The following PIK3C2G variants were observed in gnomAD, a reference collection of about 807,000 sequenced individuals.
The protein encoded by PIK3C2G is phosphatidylinositol-4-phosphate 3-kinase catalytic subunit type 2 gamma.
A neutral mutation model predicts 181.1 loss-of-function variants in PIK3C2G; 168 were observed. That is an observed-to-expected ratio of 0.93 (90% CI 0.82 to 1.05). PIK3C2G has a LOEUF of 1.05. Ranked by LOEUF, PIK3C2G falls within the 50% of genes least tolerant of loss-of-function variation. PIK3C2G has a pLI of 0.00. For missense variants in PIK3C2G, 1,869 were observed against 1,732.8 expected, an observed-to-expected ratio of 1.08 and a Z score of -1.40; for synonymous variants, 573 against 592.2, an observed-to-expected ratio of 0.97 and a Z score of 0.47.
intron 21 of PIK3C2G, 91 bp from the exon 22 acceptor site, chr12:18,497,528 C>G (rs1383310344): frequency 2.2e-6 from 2 of 924,420 alleles, no homozygotes; most frequent in East Asian, 2.7e-5. Context: ...AGAAATGTAT[C>G]CAAGGAGAAA....
intron 31 of PIK3C2G, among the ~76,000 whole-genome samples, chr12:18,637,496 G>A (rs990846489): frequency 6.6e-6 from 1 of 151,228 alleles, no homozygotes; most frequent in East Asian, 1.9e-4. Context: ...TACATCATGC[G>A]TCTGCAGGAA....
intron 16 of PIK3C2G, among the ~76,000 whole-genome samples, chr12:18,408,915 T>C (rs1944697002): frequency 6.6e-6 from 1 of 152,136 alleles, no homozygotes; most frequent in African/African-American, 2.4e-5. Flanking sequence ...CTGGAGAGGA[T>C]GTGGGGAAAT....
intron 1 of PIK3C2G, among the ~76,000 whole-genome samples, chr12:18,271,991 A>AT (rs1050751249): frequency 4.6e-4 from 70 of 152,266 alleles, no homozygotes; most frequent in African/African-American, 1.6e-3. Flanking sequence ...ATTTCCTAAC[A>AT]TCCAGAAAGC....
chr12:18,272,004 T>G (rs1164270325), intron 1 of PIK3C2G, among the ~76,000 whole-genome samples: 3 of 152,186 alleles, frequency 2.0e-5, no homozygotes, highest in Non-Finnish European at 2.9e-5. Context: ...CAGAAAGCCC[T>G]GCTTACTCTC....
chr12:18,345,695 GT>G (rs1470015528), intron 10 of PIK3C2G, among the ~76,000 whole-genome samples: 1 of 152,050 alleles, frequency 6.6e-6, no homozygotes, highest in African/African-American at 2.4e-5. Flanking sequence ...AACTTATAAA[GT>G]GTTTATTTCT....
rs749353841 is a variant in PIK3C2G, at chr12:18,314,030, A to G, written c.1103A>G (p.Lys368Arg). The G allele has an allele frequency of 1.3e-6, 2 of 1,584,910 alleles. No individual in the cohort carries two copies. Among genetic ancestry groups the G allele is most frequent in the South Asian group, 1.2e-5 (1 of 86,444 alleles). The change falls in exon 6 of 33, where the codon AAA (lysine) becomes AGA (arginine). Residue 368 changes from lysine to arginine, a missense_variant. Transcript: ENST00000538779. ...TCTGTTATTCAGCTCCACCTGCAGA[A>G]AAGTAGGGAAGCTCCAGGAAAGCTA... is the stretch of plus-strand genomic sequence containing the variant. Reference protein sequence around the residue: ...DKSVIQLHLQKSREAPGKLSR... With the variant: ...DKSVIQLHLQRSREAPGKLSR...
At chr12:18,357,728 T>C (rs1268911095) in intron 11 of PIK3C2G, among the ~76,000 whole-genome samples, 1 of 152,224 alleles carries the variant, frequency 6.6e-6, no homozygotes, top group Non-Finnish European at 1.5e-5. Flanking sequence ...TGCATTGTTG[T>C]ATGGGAGATC....
intron 26 of PIK3C2G, among the ~76,000 whole-genome samples, chr12:18,562,278 C>G (rs981881375): frequency 1.3e-5 from 2 of 152,102 alleles, no homozygotes; most frequent in Non-Finnish European, 2.9e-5. Flanking sequence ...ACTACAGGCA[C>G]CCGCCACCAC....
At chr12:18,708,766 A>G in the PIK3C2G span, among the ~76,000 whole-genome samples, 2 of 152,106 alleles carry the variant, frequency 1.3e-5, no homozygotes. Context: ...GTGACTAATA[A>G]TGTTGAGTAC....
At chr12:18,516,261 G>GT (rs34294540) in intron 24 of PIK3C2G, among the ~76,000 whole-genome samples, 67,680 of 138,216 alleles carry the variant, frequency 0.49, 16,887 homozygotes, top group East Asian at 0.89. Context: ...TTGACTGATG[G>GT]TTTTTTTTTT....
the PIK3C2G span, among the ~76,000 whole-genome samples, chr12:18,704,081 G>A: frequency 4.9e-4 from 75 of 152,290 alleles, no homozygotes; most frequent in East Asian, 0.014. Context: ...GTGAGGGAAG[G>A]CTAAAGAATG....
chr12:18,684,020 C>A, the PIK3C2G span: 15 of 1,280,744 alleles, frequency 1.2e-5, 1 homozygote, highest in South Asian at 2.0e-4. Flanking sequence ...ATAAAATTTC[C>A]TTTACATCCT....
At chr12:18,490,384 G>T (rs1261827836) in intron 19 of PIK3C2G, among the ~76,000 whole-genome samples, 2 of 152,060 alleles carry the variant, frequency 1.3e-5, no homozygotes, top group African/African-American at 4.8e-5. Context: ...GGCTCAAAAA[G>T]TTTCTTTTTT....
At chr12:18,486,354 C>T (rs748181050) in intron 18 of PIK3C2G, among the ~76,000 whole-genome samples, 18 of 152,152 alleles carry the variant, frequency 1.2e-4, no homozygotes, top group Middle Eastern at 3.4e-3. Context: ...CTCCCCTGCT[C>T]GGTTTTATTT....
Position 18,491,435 on chromosome 12 carries a change from T to C in PIK3C2G, c.2686-16T>C, listed in dbSNP as rs1347559245. ...TTTACATTTTCTTAAATCCTTTTTC[T>C]AATGATTTTTCACAGGAGGTACTGA... On this transcript the variant is annotated splice_polypyrimidine_tract_variant and intron_variant, in intron 19 of 32. Coordinates refer to ENST00000538779, the MANE Select transcript of PIK3C2G (RefSeq NM_001288772.2). 2 of 1,286,878 alleles carry C rather than the reference T, an allele frequency of 1.6e-6. No individual in the cohort carries two copies. Among genetic ancestry groups the C allele is most frequent in the Non-Finnish European group, 2.2e-6 (2 of 898,240 alleles). The allele number at this position is 1,286,878 out of a possible 1,614,324, so 79.7% of individuals were successfully genotyped here. A position where few individuals can be genotyped will look rare whatever the true frequency, so the allele number is the denominator to read the frequency against.
intron 1 of PIK3C2G, among the ~76,000 whole-genome samples, chr12:18,277,927 G>A (rs1446297375): frequency 6.6e-6 from 1 of 152,086 alleles, no homozygotes; most frequent in African/African-American, 2.4e-5. Flanking sequence ...AGCAACTGTG[G>A]TACACTAAGG....
In PIK3C2G at chr12:18,604,684, A is replaced by G. The variant is rs112153837; in HGVS notation, c.4088-4851A>G. ...CAATAAAGTTAAGAAAATTGAAATT[A>G]TATCAAACACTCTCTCAGACTACAA... is the stretch of plus-strand genomic sequence containing the variant. On this transcript the variant is annotated intron_variant, in intron 30 of 32. Transcript: ENST00000538779. Among the ~76,000 whole-genome samples the G allele has an allele frequency of 4.6e-5, 7 of 152,344 alleles. 1 individual carries two copies. The highest frequency in any genetic ancestry group is 1.7e-4 in the African/African-American group (7 of 41,590).
the PIK3C2G span, among the ~76,000 whole-genome samples, chr12:18,662,643 G>T: frequency 6.6e-6 from 1 of 152,072 alleles, no homozygotes; most frequent in Non-Finnish European, 1.5e-5. Context: ...TGCATTAAAA[G>T]TAATTATTGG....
At chr12:18,599,415 G>A (rs933681100) in intron 30 of PIK3C2G, among the ~76,000 whole-genome samples, 29 of 151,502 alleles carry the variant, frequency 1.9e-4, no homozygotes, top group Middle Eastern at 3.4e-3. Flanking sequence ...ACCAAACACC[G>A]CATATTCTCA....
Sources: allele counts gnomAD v4.1 joint callset (sites outside exome capture counted in the v4.1 genomes callset), GRCh38; gene constraint gnomAD v4.1.1; transcripts MANE v1.5; gene names NCBI Gene and HGNC (gene_info 2026-07-23, HGNC 2026-07-21).